MYO10: variants seen among roughly 807,000 people sequenced by gnomAD.
MYO10 encodes the protein myosin X.
Under a neutral mutation model 257.3 loss-of-function variants are expected in MYO10, and 133 were observed. The ratio of observed to expected loss-of-function variants is 0.52; its 90% CI spans 0.45 to 0.60. MYO10 has a LOEUF of 0.60. MYO10 is among the 20% of genes least tolerant of loss of function. MYO10 has a pLI of 0.00. For synonymous variants in MYO10, 1,104 were observed against 1,028.6 expected (o/e 1.07, Z -1.40); for missense variants, 2,399 against 2,635.7 (o/e 0.91, Z 1.97).
intron 1 of MYO10, among the ~76,000 whole-genome samples, chr5:16,890,009 TCAGAA>T (rs1745007746): frequency 6.6e-6 from 1 of 151,834 alleles, no homozygotes; most frequent in Admixed American, 6.6e-5. Flanking sequence ...ACAAGTATGC[TCAGAA>T]CAGGAGTTTG....
intron 19 of MYO10, chr5:16,741,705 A>G (rs1383770829): frequency 1.2e-6 from 1 of 820,178 alleles, no homozygotes; most frequent in East Asian, 1.2e-4. Context: ...AAACAGCAAA[A>G]TCTGTTCCCC....
At chr5:16,764,481 A>G in intron 11 of MYO10, 85 bp from the exon 12 acceptor site, 1 of 1,474,778 alleles carries the variant, frequency 6.8e-7, no homozygotes, top group Non-Finnish European at 9.3e-7. Context: ...TGAGAGACAC[A>G]CACAAGACTA....
In MYO10 at chr5:16,802,670, AAAAG is replaced by A. The variant is rs1201339334; in HGVS notation, c.280-7841_280-7838del. 8.7e-4 allele frequency among the ~76,000 whole-genome samples: 131 copies of A among 150,968 alleles called. 1 individual carries two copies. Among genetic ancestry groups the A allele is most frequent in the Non-Finnish European group, 9.3e-4 (63 of 67,738 alleles). On this transcript the variant is annotated intron_variant, in intron 3 of 40. Transcript: ENST00000513610. The stretch of plus-strand genomic sequence containing the variant: ...AGACTGTCTCTAAAAAAAAAAAAAA[AAAAG>A]AAAGAAAGAAAAATTAAAAAAAATA...
chr5:16,862,390 C>T (rs1269903760), intron 2 of MYO10, among the ~76,000 whole-genome samples: 5 of 152,136 alleles, frequency 3.3e-5, no homozygotes, highest in Admixed American at 1.3e-4. Flanking sequence ...AAACGGAATG[C>T]AACTCATTCA....
chr5:16,866,758 T>G (rs947802533), intron 2 of MYO10, among the ~76,000 whole-genome samples: 1 of 152,140 alleles, frequency 6.6e-6, no homozygotes, highest in Non-Finnish European at 1.5e-5. Flanking sequence ...TCTAACCCTA[T>G]CTGTCCCTGA....
chr5:16,824,208 C>T (rs917958011), intron 2 of MYO10, among the ~76,000 whole-genome samples: 1 of 152,158 alleles, frequency 6.6e-6, no homozygotes, highest in African/African-American at 2.4e-5. Context: ...AAACCCTAAT[C>T]GCTAGATGAC....
Position 16,666,664 on chromosome 5 carries a change from G to A in MYO10, c.*28C>T. The A allele has an allele frequency of 1.3e-6, 2 of 1,561,392 alleles. No individual in the cohort carries two copies. On this transcript the variant is annotated 3_prime_UTR_variant, in exon 41 of 41. Transcript: ENST00000513610. ...GGCCAGAGGGTGGTGCGTTCAGGTA[G>A]CAAAGACAGGTGGGCTCTGTCCCGC...
intron 3 of MYO10, among the ~76,000 whole-genome samples, chr5:16,803,440 T>G (rs891637865): frequency 1.3e-5 from 2 of 151,958 alleles, no homozygotes; most frequent in African/African-American, 4.8e-5. Flanking sequence ...AAAAAAAAAG[T>G]TTCAGCATAC....
At chr5:16,922,664 A>G (rs770218950) in intron 1 of MYO10, among the ~76,000 whole-genome samples, 2 of 152,196 alleles carry the variant, frequency 1.3e-5, no homozygotes, top group Non-Finnish European at 2.9e-5. Context: ...CAAAGTGTTC[A>G]TGTATCTACT....
At chr5:16,711,449 C>A (rs1452401975) in intron 19 of MYO10, among the ~76,000 whole-genome samples, 1 of 152,188 alleles carries the variant, frequency 6.6e-6, no homozygotes, top group Non-Finnish European at 1.5e-5. Flanking sequence ...CCCTGCCAAT[C>A]CTGCCCCATC....
chr5:16,905,697 C>T (rs1745501095), intron 1 of MYO10, among the ~76,000 whole-genome samples: 1 of 152,132 alleles, frequency 6.6e-6, no homozygotes, highest in South Asian at 2.1e-4. Flanking sequence ...TCTCAACGAC[C>T]CAGTGACACC....
intron 19 of MYO10, among the ~76,000 whole-genome samples, chr5:16,752,310 T>A (rs1469060431): frequency 6.6e-6 from 1 of 152,026 alleles, no homozygotes; most frequent in Non-Finnish European, 1.5e-5. Context: ...TGAAACAGAG[T>A]CTTGCTGTAT....
chr5:16,664,388 T>C lies in MYO10; in HGVS notation c.*2304A>G, dbSNP rs1417328617. 1 of 152,170 alleles carries C rather than the reference T, an allele frequency of 6.6e-6. No individual in the cohort carries two copies. Among genetic ancestry groups the C allele is most frequent in the Non-Finnish European group, 1.5e-5 (1 of 68,040 alleles). The allele number at this position is 152,170 out of a possible 1,614,324, so 9.4% of individuals were successfully genotyped here. ...GTGAGCAGTAGAAAGAAGACTTCTG[T>C]CAAATTCTTTCTGAGCCTAAAATAA... On this transcript the variant is annotated 3_prime_UTR_variant, in exon 41 of 41. Transcript: ENST00000513610.
chr5:16,900,022 A>G (rs1025586119), intron 1 of MYO10, among the ~76,000 whole-genome samples: 2 of 146,000 alleles, frequency 1.4e-5, no homozygotes, highest in African/African-American at 2.6e-5. Flanking sequence ...AAAAAAAAAA[A>G]AAGATTTAAA....
chr5:16,880,999 G>A (rs1254646936), intron 1 of MYO10, among the ~76,000 whole-genome samples: 1 of 151,980 alleles, frequency 6.6e-6, no homozygotes, highest in Non-Finnish European at 1.5e-5. Flanking sequence ...ACACATACAC[G>A]CCCATGCTCG....
At chr5:16,669,934 G>A (rs998483335) in intron 39 of MYO10, among the ~76,000 whole-genome samples, 1 of 152,190 alleles carries the variant, frequency 6.6e-6, no homozygotes, top group Admixed American at 6.5e-5. Context: ...CTAAAGGAAT[G>A]AGCTTGGCTG....
intron 2 of MYO10, among the ~76,000 whole-genome samples, chr5:16,838,513 T>C (rs73045592): frequency 0.052 from 7,852 of 152,164 alleles, 714 homozygotes; most frequent in African/African-American, 0.18. Context: ...CACAGATTCG[T>C]TGATGAGATT....
At chr5:16,842,166 A>G (rs1209870241) in intron 2 of MYO10, among the ~76,000 whole-genome samples, 1 of 152,146 alleles carries the variant, frequency 6.6e-6, no homozygotes, top group East Asian at 1.9e-4. Flanking sequence ...GTGCCCCCAG[A>G]CCTATCGCAG....
intron 33 of MYO10, among the ~76,000 whole-genome samples, chr5:16,677,123 A>G (rs1178902609): frequency 1.3e-5 from 2 of 152,176 alleles, no homozygotes; most frequent in African/African-American, 2.4e-5. Context: ...TCTGGATATG[A>G]AAAAAACAAA....
Sources: gnomAD v4.1 joint callset for allele counts (sites outside exome capture counted in the v4.1 genomes callset) on GRCh38, gnomAD v4.1.1 for gene constraint, MANE v1.5 for transcripts, NCBI Gene and HGNC (gene_info 2026-07-23, HGNC 2026-07-21) for gene names.